Variants in CREB1 observed in about 807,000 individuals in gnomAD.
CREB1 encodes cAMP responsive element binding protein 1, also known as cyclic AMP-responsive element-binding protein 1.
A neutral mutation model predicts 42.0 loss-of-function variants in CREB1; 2 were observed. The ratio of observed to expected loss-of-function variants is 0.05; its 90% CI spans 0.02 to 0.15. CREB1 has a LOEUF of 0.15. CREB1 is among the 10% of genes least tolerant of loss of function. The pLI, the probability that CREB1 is intolerant of heterozygous loss-of-function variation, is 1.00. For missense variants in CREB1, 199 were observed against 388.9 expected, an observed-to-expected ratio of 0.51 and a Z score of 4.11; for synonymous variants, 123 against 139.9, an observed-to-expected ratio of 0.88 and a Z score of 0.85.
chr2:207,564,463 C>T (rs991933250), intron 3 of CREB1, among the ~76,000 whole-genome samples: 5 of 151,490 alleles, frequency 3.3e-5, no homozygotes, highest in Admixed American at 2.6e-4. Context: ...GGGCTGTGAT[C>T]GCACCACTGC....
intron 1 of CREB1, among the ~76,000 whole-genome samples, chr2:207,535,418 T>C (rs752900266): frequency 1.3e-5 from 2 of 152,130 alleles, no homozygotes; most frequent in Admixed American, 1.3e-4. Flanking sequence ...TATAGTCCGG[T>C]GTTTTTTTGG....
chr2:207,595,883 C>T (rs1314668162), intron 7 of CREB1, among the ~76,000 whole-genome samples: 2 of 152,112 alleles, frequency 1.3e-5, no homozygotes, highest in African/African-American at 4.8e-5. Context: ...TAGATCTTAA[C>T]CCCTTAGCAG....
intron 2 of CREB1, 137 bp from the exon 3 acceptor site, chr2:207,560,089 C>A (rs1379719734): frequency 6.0e-6 from 4 of 668,714 alleles, no homozygotes; most frequent in Non-Finnish European, 9.4e-6. Context: ...TAAATTTAGT[C>A]ATTACTTTCA....
At chr2:207,550,181 G>T (rs1393822449) in intron 1 of CREB1, 1 of 152,096 alleles carries the variant, frequency 6.6e-6, no homozygotes, top group Non-Finnish European at 1.5e-5. Context: ...GCCCAAATAT[G>T]TGTTTTGCTG....
chr2:207,575,989 T>C (rs2082574971), intron 6 of CREB1, among the ~76,000 whole-genome samples: 1 of 136,050 alleles, frequency 7.4e-6, no homozygotes, highest in Non-Finnish European at 1.5e-5. Flanking sequence ...GTTTTTATTA[T>C]TATTATTATT....
chr2:207,576,587 T>G, intron 6 of CREB1: 1 of 750,210 alleles, frequency 1.3e-6, no homozygotes, highest in East Asian at 5.7e-5. Flanking sequence ...AGATACTATT[T>G]TGCTTATTGA....
At chr2:207,593,863 C>T (rs943719685) in intron 7 of CREB1, among the ~76,000 whole-genome samples, 7 of 151,928 alleles carry the variant, frequency 4.6e-5, no homozygotes, top group Non-Finnish European at 5.9e-5. Flanking sequence ...GGATTACAGG[C>T]ACCTGCCACC....
intron 3 of CREB1, among the ~76,000 whole-genome samples, chr2:207,562,229 C>T (rs571214966): frequency 6.6e-6 from 1 of 152,284 alleles, no homozygotes; most frequent in South Asian, 2.1e-4. Flanking sequence ...ACCTAGATTC[C>T]AGACCCAGTT....
intron 1 of CREB1, among the ~76,000 whole-genome samples, chr2:207,548,508 T>C (rs1324367833): frequency 7.2e-5 from 11 of 152,118 alleles, no homozygotes; most frequent in African/African-American, 2.7e-4. Flanking sequence ...CCCAGCACTT[T>C]GGGAGGCTGA....
rs35714520 is a variant in CREB1 at position 207,540,669 on chromosome 2, TAAAAAAAAAA to T, written c.-9+10554_-9+10563del. Among the ~76,000 whole-genome samples, 292 of 64,270 alleles carry T rather than the reference TAAAAAAAAAA, an allele frequency of 4.5e-3. 1 individual carries two copies. The highest frequency in any genetic ancestry group is 0.032 in the Middle Eastern group (2 of 62). The allele number at this position is 64,270 out of a possible 152,430, so 42.2% of individuals were successfully genotyped here. A position where few individuals can be genotyped will look rare whatever the true frequency, so the allele number is the denominator to read the frequency against. Reference sequence around the variant, plus strand: ...AAGTTTAACAAAAAAGTTTAAAAAGTAAAAAAAAAAAAAAAAAAAAAAAAAAAAGGAAAAA... The same window carrying T: ...AAGTTTAACAAAAAAGTTTAAAAAGTAAAAAAAAAAAAAAAAAAGGAAAAA... On this transcript the variant is annotated intron_variant, in intron 1 of 7. Coordinates refer to ENST00000353267, the MANE Select transcript of CREB1 (RefSeq NM_004379.5).
At chr2:207,540,062 A>G (rs1222387238) in intron 1 of CREB1, among the ~76,000 whole-genome samples, 2 of 152,196 alleles carry the variant, frequency 1.3e-5, no homozygotes, top group African/African-American at 4.8e-5. Flanking sequence ...GTAGACAGAG[A>G]TATACAGTCA....
intron 1 of CREB1, among the ~76,000 whole-genome samples, chr2:207,553,062 CTTTTTTTTTT>C (rs10561230): frequency 6.3e-5 from 4 of 63,190 alleles, no homozygotes; most frequent in Non-Finnish European, 1.2e-4. Context: ...TACAGGTAGA[CTTTTTTTTTT>C]TTTTTTTTTT....
chr2:207,539,840 AC>A (rs1202797390), intron 1 of CREB1, among the ~76,000 whole-genome samples: 1 of 152,328 alleles, frequency 6.6e-6, no homozygotes, highest in Admixed American at 6.5e-5. Flanking sequence ...AGTGGAATGG[AC>A]AAAAAAATGA....
Position 207,602,577 on chromosome 2 carries a change from G to A in CREB1, c.*5519G>A, listed in dbSNP as rs999287284. The A allele has an allele frequency of 4.7e-6, 1 of 211,506 alleles. No individual in the cohort carries two copies. The highest frequency in any genetic ancestry group is 9.6e-6 in the Non-Finnish European group (1 of 104,384). 13.1% of individuals were successfully genotyped at this position (211,506 alleles called of 1,614,324 possible). A position where few individuals can be genotyped will look rare whatever the true frequency, so the allele number is the denominator to read the frequency against. On this transcript the variant is annotated 3_prime_UTR_variant, in exon 8 of 8. Coordinates refer to ENST00000353267, the MANE Select transcript of CREB1 (RefSeq NM_004379.5). Reference sequence around the variant, plus strand: ...TAAATCTGAGTTAGCTTAAAAATTGGTAGGGAGGAAGAAAATCTCTGCAAA... The same window carrying A: ...TAAATCTGAGTTAGCTTAAAAATTGATAGGGAGGAAGAAAATCTCTGCAAA...
chr2:207,534,299 C>T (rs907040591), intron 1 of CREB1, among the ~76,000 whole-genome samples: 3 of 152,006 alleles, frequency 2.0e-5, no homozygotes, highest in Non-Finnish European at 4.4e-5. Context: ...TGCAGTGATG[C>T]AGTCTCAGCT....
chr2:207,600,025 A>G lies in CREB1; in HGVS notation c.*2967A>G. The G allele has an allele frequency of 5.3e-6, 1 of 189,218 alleles. No homozygotes were observed. Among genetic ancestry groups the G allele is most frequent in the Non-Finnish European group, 1.1e-5 (1 of 90,088 alleles). 11.7% of individuals were successfully genotyped at this position (189,218 alleles called of 1,614,324 possible). A position where few individuals can be genotyped will look rare whatever the true frequency, so the allele number is the denominator to read the frequency against. On this transcript the variant is annotated 3_prime_UTR_variant, in exon 8 of 8. Transcript: ENST00000353267. ...GGTTTATTTTTGATATATTACTCTT[A>G]TGAGTTTTCAAGCTTTGATAATGTT...
intron 4 of CREB1, among the ~76,000 whole-genome samples, chr2:207,569,349 T>G (rs915604023): frequency 6.6e-6 from 1 of 152,178 alleles, no homozygotes; most frequent in Non-Finnish European, 1.5e-5. Context: ...CAATTCCTTA[T>G]ATCGGGATTG....
chr2:207,588,896 G>C (rs989959941), intron 7 of CREB1, among the ~76,000 whole-genome samples: 1 of 140,378 alleles, frequency 7.1e-6, no homozygotes, highest in East Asian at 2.1e-4. Context: ...TGTCGGGGGG[G>C]GTGTAGATTC....
intron 1 of CREB1, among the ~76,000 whole-genome samples, chr2:207,539,257 T>C (rs2080999519): frequency 6.6e-6 from 1 of 151,056 alleles, no homozygotes; most frequent in Non-Finnish European, 1.5e-5. Context: ...TTTCACCATG[T>C]TGGCCAAGCT....
Sources: gnomAD v4.1 joint callset for allele counts (sites outside exome capture counted in the v4.1 genomes callset) on GRCh38, gnomAD v4.1.1 for gene constraint, MANE v1.5 for transcripts, NCBI Gene and HGNC (gene_info 2026-07-23, HGNC 2026-07-21) for gene names.